STIMATE: variants seen among roughly 807,000 people sequenced by gnomAD.
The protein encoded by STIMATE is store-operated calcium entry regulator STIMATE.
A neutral mutation model predicts 36.7 loss-of-function variants in STIMATE; 15 were observed. The observed-to-expected ratio is 0.41, with a 90% confidence interval of 0.27 to 0.63. The LOEUF is 0.63. STIMATE is among the 20% of genes least tolerant of loss of function. The pLI, the probability that STIMATE is intolerant of heterozygous loss-of-function variation, is 0.32. For synonymous variants in STIMATE, 163 were observed against 162.3 expected (o/e 1.00, Z -0.03); for missense variants, 305 against 397.3 (o/e 0.77, Z 1.98).
At chr3:52,896,932 C>A (rs1701874187) in intron 1 of STIMATE, among the ~76,000 whole-genome samples, 1 of 152,092 alleles carries the variant, frequency 6.6e-6, no homozygotes, top group African/African-American at 2.4e-5. Flanking sequence ...GTTCTAAGCA[C>A]GAAGAGCCCC....
At chr3:52,844,037 G>C (rs750167175) in intron 5 of STIMATE, among the ~76,000 whole-genome samples, 2 of 152,238 alleles carry the variant, frequency 1.3e-5, no homozygotes, top group Non-Finnish European at 2.9e-5. Flanking sequence ...GACTTGCAAA[G>C]TGCAGTGGGC....
intron 1 of STIMATE, among the ~76,000 whole-genome samples, chr3:52,857,767 T>TAG (rs1158740455): frequency 3.3e-5 from 5 of 150,130 alleles, no homozygotes; most frequent in East Asian, 1.9e-4. Flanking sequence ...TTATTATATA[T>TAG]AGAGAGAGAG....
At chr3:52,842,093 T>A (rs938067856) in intron 7 of STIMATE, among the ~76,000 whole-genome samples, 2 of 152,268 alleles carry the variant, frequency 1.3e-5, no homozygotes, top group Non-Finnish European at 2.9e-5. Context: ...GAAATACTTA[T>A]GTGTCCACCT....
intron 7 of STIMATE, among the ~76,000 whole-genome samples, chr3:52,841,377 A>G (rs1700795210): frequency 6.6e-6 from 1 of 152,230 alleles, no homozygotes; most frequent in Admixed American, 6.5e-5. Flanking sequence ...CTCTGAGCCA[A>G]CTCTGTAACT....
chr3:52,889,417 C>T (rs1172735372), intron 1 of STIMATE, among the ~76,000 whole-genome samples: 1 of 152,180 alleles, frequency 6.6e-6, no homozygotes, highest in African/African-American at 2.4e-5. Flanking sequence ...TGGACTATGG[C>T]AGACAATCCA....
chr3:52,883,254 T>G (rs1701638951), intron 1 of STIMATE, among the ~76,000 whole-genome samples: 1 of 152,256 alleles, frequency 6.6e-6, no homozygotes, highest in Non-Finnish European at 1.5e-5. Context: ...TTCAGGACTT[T>G]AAAGATGTTG....
intron 1 of STIMATE, among the ~76,000 whole-genome samples, chr3:52,892,306 C>A (rs767518026): frequency 1.3e-5 from 2 of 152,086 alleles, no homozygotes; most frequent in Non-Finnish European, 2.9e-5. Flanking sequence ...TGATTTTATT[C>A]GAAATTAATG....
At chr3:52,865,897 T>C (rs1701300224) in intron 1 of STIMATE, among the ~76,000 whole-genome samples, 2 of 152,258 alleles carry the variant, frequency 1.3e-5, no homozygotes, top group African/African-American at 4.8e-5. Context: ...TGTGTGTGTG[T>C]AGGGGCGGTG....
At chr3:52,845,073 C>A (rs559127320) in intron 4 of STIMATE, 132 bp from the exon 5 acceptor site, 34 of 743,296 alleles carry the variant, frequency 4.6e-5, no homozygotes, top group Middle Eastern at 4.0e-4. Flanking sequence ...TGAGCCCCCC[C>A]AAAAGTCCAA....
intron 1 of STIMATE, 123 bp from the exon 2 acceptor site, chr3:52,855,567 T>C: frequency 7.4e-7 from 1 of 1,345,724 alleles, no homozygotes; most frequent in African/African-American, 1.5e-5. Context: ...CACACTCTTT[T>C]AACATGTAAC....
chr3:52,849,928 C>A lies in STIMATE; in HGVS notation c.306-15G>T. On this transcript the variant is annotated splice_polypyrimidine_tract_variant and intron_variant, in intron 3 of 7. Coordinates refer to ENST00000355083, the MANE Select transcript of STIMATE (RefSeq NM_198563.5). The stretch of plus-strand genomic sequence containing the variant: ...TGATGAGGTACCTGTGAGGACAGGG[C>A]ACATGCATGGTCACGGCAGAAGCCA... 6 of 1,610,738 alleles carry A rather than the reference C, an allele frequency of 3.7e-6. No homozygotes were observed. Among genetic ancestry groups the A allele is most frequent in the Non-Finnish European group, 5.1e-6 (6 of 1,177,950 alleles).
chr3:52,895,354 T>C (rs1701848817), intron 1 of STIMATE, among the ~76,000 whole-genome samples: 1 of 152,186 alleles, frequency 6.6e-6, no homozygotes, highest in African/African-American at 2.4e-5. Context: ...AGGAGGCTCT[T>C]GCTCTCACCT....
chr3:52,882,482 G>A (rs982964848), intron 1 of STIMATE, among the ~76,000 whole-genome samples: 1 of 152,176 alleles, frequency 6.6e-6, no homozygotes, highest in African/African-American at 2.4e-5. Flanking sequence ...TTTACTGGAT[G>A]TGGCATGGAT....
At chr3:52,891,319 T>G (rs1359239695) in intron 1 of STIMATE, among the ~76,000 whole-genome samples, 1 of 152,176 alleles carries the variant, frequency 6.6e-6, no homozygotes, top group Non-Finnish European at 1.5e-5. Context: ...GCACTTCACC[T>G]GCTCACCGAC....
chr3:52,850,064 T>A lies in STIMATE; in HGVS notation c.306-151A>T, dbSNP rs371923371. ...GAGCCCTCATGTGCCAGTGTAGCTGTCACTACCATGTGCTGAAGCTCATCA... is the reference window on the plus strand; with the variant it reads ...GAGCCCTCATGTGCCAGTGTAGCTGACACTACCATGTGCTGAAGCTCATCA... On this transcript the variant is annotated intron_variant, in intron 3 of 7. Transcript: ENST00000355083. 5 of 1,355,650 alleles carry A rather than the reference T, an allele frequency of 3.7e-6. No homozygotes were observed. The African/African-American group carries it at 5.9e-5, about 16-fold the overall frequency. 84.0% of individuals were successfully genotyped at this position (1,355,650 alleles called of 1,614,324 possible).
At chr3:52,893,613 ACT>A (rs772962466) in intron 1 of STIMATE, among the ~76,000 whole-genome samples, 35 of 151,896 alleles carry the variant, frequency 2.3e-4, no homozygotes, top group Non-Finnish European at 4.3e-4. Context: ...AACCCCAGAA[ACT>A]CTCATTTAAG....
chr3:52,859,316 T>C (rs1701164806), intron 1 of STIMATE, among the ~76,000 whole-genome samples: 1 of 150,694 alleles, frequency 6.6e-6, no homozygotes, highest in Non-Finnish European at 1.5e-5. Context: ...TGAATGGATA[T>C]ACATTTATGC....
At chr3:52,840,917 G>C (rs1190439714) in intron 7 of STIMATE, among the ~76,000 whole-genome samples, 1 of 152,130 alleles carries the variant, frequency 6.6e-6, no homozygotes, top group Admixed American at 6.5e-5. Context: ...TGTTGGCCAG[G>C]CTTGTCTCAA....
chr3:52,895,269 G>T (rs1701847646), intron 1 of STIMATE, among the ~76,000 whole-genome samples: 1 of 152,242 alleles, frequency 6.6e-6, no homozygotes, highest in Non-Finnish European at 1.5e-5. Flanking sequence ...CTGCATCCCA[G>T]TCAGTGGGCT....
Sources: allele counts gnomAD v4.1 joint callset (sites outside exome capture counted in the v4.1 genomes callset), GRCh38; gene constraint gnomAD v4.1.1; transcripts MANE v1.5; gene names NCBI Gene and HGNC (gene_info 2026-07-23, HGNC 2026-07-21).